ZBTB16: variants seen among roughly 807,000 people sequenced by gnomAD.
ZBTB16 encodes the protein zinc finger and BTB domain containing 16.
A neutral mutation model predicts 56.8 loss-of-function variants in ZBTB16; 8 were observed. The observed-to-expected ratio is 0.14, with a 90% CI of 0.08 to 0.25. The LOEUF (loss-of-function observed/expected upper bound fraction) is 0.25. Ranked by LOEUF, ZBTB16 falls within the 10% of genes least tolerant of loss-of-function variation. The probability of loss-of-function intolerance (pLI) is 1.00; values close to 1 mark genes in which losing one functional copy is unlikely to be tolerated. For synonymous variants in ZBTB16, 363 were observed against 368.5 expected (o/e 0.98, Z 0.17); for missense variants, 625 against 903.0 (o/e 0.69, Z 3.95).
At chr11:114,170,525 T>C (rs941097996) in intron 3 of ZBTB16, among the ~76,000 whole-genome samples, 2 of 152,170 alleles carry the variant, frequency 1.3e-5, no homozygotes, top group East Asian at 1.9e-4. Context: ...GACAAAGACA[T>C]GTCTTCCAGA....
intron 4 of ZBTB16, among the ~76,000 whole-genome samples, chr11:114,198,465 C>T (rs982135307): frequency 2.6e-5 from 4 of 152,184 alleles, no homozygotes; most frequent in Non-Finnish European, 5.9e-5. Flanking sequence ...ACAACCCAGC[C>T]GTCTCCTGCT....
At chr11:114,099,200 G>A (rs1264869318) in intron 2 of ZBTB16, among the ~76,000 whole-genome samples, 1 of 152,158 alleles carries the variant, frequency 6.6e-6, no homozygotes, top group Admixed American at 6.5e-5. Context: ...CTTACTGGGG[G>A]AGAGAGAGGT....
At chr11:114,087,948 T>G (rs1199846840) in intron 2 of ZBTB16, among the ~76,000 whole-genome samples, 1 of 152,160 alleles carries the variant, frequency 6.6e-6, no homozygotes, top group African/African-American at 2.4e-5. Context: ...TAAACTCTTA[T>G]GCTTCCCTTC....
chr11:114,140,502 G>A (rs1941917688), intron 2 of ZBTB16, among the ~76,000 whole-genome samples: 1 of 152,228 alleles, frequency 6.6e-6, no homozygotes, highest in Non-Finnish European at 1.5e-5. Context: ...GAACAGAGGA[G>A]ACCTGTCTCC....
chr11:114,170,414 A>G, intron 3 of ZBTB16, among the ~76,000 whole-genome samples: 1 of 152,144 alleles, frequency 6.6e-6, no homozygotes, highest in East Asian at 1.9e-4. Flanking sequence ...TTTAGTGAAG[A>G]CTGAGCTTGT....
chr11:114,134,831 TTTAA>T (rs1941756964), intron 2 of ZBTB16, among the ~76,000 whole-genome samples: 2 of 152,158 alleles, frequency 1.3e-5, no homozygotes, highest in African/African-American at 2.4e-5. Flanking sequence ...AGAGAAAAAC[TTTAA>T]TTAAGTGCCT....
intron 3 of ZBTB16, among the ~76,000 whole-genome samples, chr11:114,164,369 G>A (rs375203689): frequency 4.6e-5 from 7 of 152,244 alleles, no homozygotes; most frequent in African/African-American, 9.6e-5. Flanking sequence ...AGAGGATGAC[G>A]GTCTTATTAG....
intron 2 of ZBTB16, among the ~76,000 whole-genome samples, chr11:114,099,926 GTGTC>G (rs1248095149): frequency 3.3e-5 from 5 of 152,164 alleles, no homozygotes; most frequent in South Asian, 2.1e-4. Flanking sequence ...TTCCTAAGAG[GTGTC>G]TGTCTTTCTC....
intron 2 of ZBTB16, among the ~76,000 whole-genome samples, chr11:114,068,527 GT>G (rs764955441): frequency 5.3e-5 from 8 of 152,228 alleles, no homozygotes; most frequent in Non-Finnish European, 8.8e-5. Context: ...TCATGGATGG[GT>G]GGGAAGACCA....
At chr11:114,230,359 C>T (rs1944414043) in intron 4 of ZBTB16, among the ~76,000 whole-genome samples, 1 of 152,096 alleles carries the variant, frequency 6.6e-6, no homozygotes, top group South Asian at 2.1e-4. Context: ...CCTGCCCTGC[C>T]CTCATTCTTG....
chr11:114,223,438 G>T (rs1484693553), intron 4 of ZBTB16, among the ~76,000 whole-genome samples: 1 of 152,210 alleles, frequency 6.6e-6, no homozygotes, highest in Non-Finnish European at 1.5e-5. Flanking sequence ...GTTTACTTGA[G>T]TTGAAGTTGG....
intron 2 of ZBTB16, among the ~76,000 whole-genome samples, chr11:114,103,584 C>T (rs888462338): frequency 1.3e-5 from 2 of 151,902 alleles, no homozygotes; most frequent in African/African-American, 4.8e-5. Context: ...GAGTAGGCCC[C>T]TATCTCTCGG....
chr11:114,165,726 A>G (rs1274305247), intron 3 of ZBTB16, among the ~76,000 whole-genome samples: 1 of 152,028 alleles, frequency 6.6e-6, no homozygotes, highest in Non-Finnish European at 1.5e-5. Context: ...CTTCCGGGAG[A>G]ACAGGCCTGG....
chr11:114,131,996 T>A (rs182928420), intron 2 of ZBTB16, among the ~76,000 whole-genome samples: 122 of 152,188 alleles, frequency 8.0e-4, no homozygotes, highest in Non-Finnish European at 1.5e-3. Context: ...AGAATCTAAC[T>A]GGGTGTGTGT....
At chr11:114,098,284 G>A (rs1307634738) in intron 2 of ZBTB16, among the ~76,000 whole-genome samples, 1 of 152,128 alleles carries the variant, frequency 6.6e-6, no homozygotes. Context: ...CTCGTTCTGT[G>A]CTTTTGAAGG....
At chr11:114,092,970 G>C (rs949486731) in intron 2 of ZBTB16, among the ~76,000 whole-genome samples, 4 of 152,040 alleles carry the variant, frequency 2.6e-5, no homozygotes, top group African/African-American at 9.7e-5. Context: ...AAAGTTTGAG[G>C]TTGTAGAATA....
intron 3 of ZBTB16, among the ~76,000 whole-genome samples, chr11:114,183,508 C>G (rs1278102063): frequency 6.6e-6 from 1 of 152,216 alleles, no homozygotes; most frequent in East Asian, 1.9e-4. Flanking sequence ...TCTAAGAACC[C>G]TCCGCGCCAC....
At chr11:114,219,771 G>A (rs1268782201) in intron 4 of ZBTB16, among the ~76,000 whole-genome samples, 5 of 152,198 alleles carry the variant, frequency 3.3e-5, no homozygotes, top group Admixed American at 3.3e-4. Flanking sequence ...CGTGCAGAGT[G>A]GTGTGGGGTG....
Position 114,064,675 on chromosome 11 carries a change from CAA to C in ZBTB16, c.1268+108_1268+109del. 1 of 1,424,042 alleles carries C rather than the reference CAA, an allele frequency of 7.0e-7. No homozygotes were observed. Among genetic ancestry groups the C allele is most frequent in the South Asian group, 1.2e-5 (1 of 81,754 alleles). 88.2% of individuals were successfully genotyped at this position (1,424,042 alleles called of 1,614,324 possible). Reference sequence around the variant, plus strand: ...TAGGGGCCTGGCTCCCCTGTCTTGGCAATTTGTGAAAAAACCAGAACACTTCT... The same window carrying C: ...TAGGGGCCTGGCTCCCCTGTCTTGGCTTTGTGAAAAAACCAGAACACTTCT... On this transcript the variant is annotated intron_variant, in intron 2 of 6. Transcript: ENST00000335953. This position sits in a 1 kb window ranked among gnomAD's most constrained non-coding sequence, Gnocchi z 4.2.
Sources: allele counts gnomAD v4.1 joint callset (sites outside exome capture counted in the v4.1 genomes callset), GRCh38; gene constraint gnomAD v4.1.1; non-coding constraint Gnocchi (gnomAD v3.1); transcripts MANE v1.5; gene names NCBI Gene and HGNC (gene_info 2026-07-23, HGNC 2026-07-21).